The following ESYT1 variants were observed in gnomAD, a reference collection of about 807,000 sequenced individuals.
The protein encoded by ESYT1 is extended synaptotagmin 1, also known as extended synaptotagmin-1.
A neutral mutation model predicts 154.2 loss-of-function variants in ESYT1; 116 were observed. The ratio of observed to expected loss-of-function variants is 0.75; its 90% CI spans 0.65 to 0.88. The LOEUF (loss-of-function observed/expected upper bound fraction) is 0.88, where lower values mean the gene tolerates loss of function less well. Ranked by LOEUF, ESYT1 falls within the 40% of genes least tolerant of loss-of-function variation. The probability of loss-of-function intolerance (pLI) is 0.00; values close to 1 mark genes in which losing one functional copy is unlikely to be tolerated. For synonymous variants in ESYT1, 500 were observed against 539.9 expected (o/e 0.93, Z 1.02); for missense variants, 1,264 against 1,379.3 (o/e 0.92, Z 1.32).
rs566710782 is a variant in ESYT1, at chr12:56,144,445, C to T, written c.*583C>T. On this transcript the variant is annotated 3_prime_UTR_variant, in exon 31 of 31. Transcript: ENST00000394048. ...GGCCAGTCTCTTGTCACTTTGGAAA[C>T]TGAGGACGCGTGGATTCTACTCAAG... is the stretch of plus-strand genomic sequence containing the variant. The T allele has an allele frequency of 2.0e-6, 2 of 987,308 alleles. No homozygotes were observed. The highest frequency in any genetic ancestry group is 1.2e-6 in the Non-Finnish European group (1 of 831,208). 61.2% of individuals were successfully genotyped at this position (987,308 alleles called of 1,614,324 possible).
Position 56,128,530 on chromosome 12 carries a change from G to A in ESYT1, c.211G>A (p.Ala71Thr). 6.2e-7 allele frequency: 1 copy of A among 1,612,998 alleles called. No individual in the cohort carries two copies. Among genetic ancestry groups the A allele is most frequent in the Non-Finnish European group, 8.5e-7 (1 of 1,179,534 alleles). Reference protein sequence around the residue: ...RLLVLIPVYLAGAVGLSVGFV... With the variant: ...RLLVLIPVYLTGAVGLSVGFV... Reference sequence around the variant, plus strand: ...GCTGGTGCTGATACCTGTGTATTTGGCCGGGGCAGTGGGACTCAGCGTGGG... The same window carrying A: ...GCTGGTGCTGATACCTGTGTATTTGACCGGGGCAGTGGGACTCAGCGTGGG... Residue 71 changes from alanine to threonine, a missense_variant, in exon 1 of 31, where the codon GCC (alanine) becomes ACC (threonine). Ala to Thr is a moderately conservative substitution (Grantham distance 58). Transcript: ENST00000394048.
rs778976202 is a variant in ESYT1 at position 56,132,438 on chromosome 12, C to T, written c.1002C>T (p.His334=). The part of the protein sequence containing the change: ...SPLPRGIIRI[H]LLAARGLSSK... ...TCCTCCAGGGCATTATTCGAATTCA[C>T]CTGCTGGCTGCTCGAGGGCTGAGTT... The change falls in exon 9 of 31, where the codon CAC becomes CAT. Residue 334 remains histidine, a synonymous_variant. Transcript: ENST00000394048. 13 of 1,614,062 alleles carry T rather than the reference C, an allele frequency of 8.1e-6. No individual in the cohort carries two copies. The African/African-American group carries it at 9.3e-5, about 12-fold the overall frequency.
At chr12:56,128,793 T>A in intron 1 of ESYT1, 84 bp downstream of exon 1, 1 of 1,540,998 alleles carries the variant, frequency 6.5e-7, no homozygotes, top group South Asian at 1.1e-5. Flanking sequence ...ATGCCTAGAG[T>A]CAGCTCCCTG....
chr12:56,138,446 G>A lies in ESYT1; in HGVS notation c.2380G>A (p.Glu794Lys). The change falls in exon 22 of 31, where the codon GAG (glutamate) becomes AAG (lysine). Residue 794 changes from glutamate to lysine, a missense_variant. Coordinates refer to ENST00000394048, the MANE Select transcript of ESYT1 (RefSeq NM_015292.3). The stretch of plus-strand genomic sequence containing the variant: ...TTTGATCCAGACTCAGAAGAGTGCG[G>A]AGCTGGCTGCGGCCCTGCTATCCAT... ...NSLIQTQKSA[E>K]LAAALLSIYM... 6.2e-7 allele frequency: 1 copy of A among 1,613,346 alleles called. No individual in the cohort carries two copies. Among genetic ancestry groups the A allele is most frequent in the Non-Finnish European group, 8.5e-7 (1 of 1,179,848 alleles).
chr12:56,140,848 T>TGGAGCAGGTGGAGGAGCAA (rs1870660310), intron 24 of ESYT1, among the ~76,000 whole-genome samples: 2 of 152,138 alleles, frequency 1.3e-5, no homozygotes, highest in African/African-American at 4.8e-5. Flanking sequence ...TGCTGTGATA[T>TGGAGCAGGTGGAGGAGCAA]GGAGCAGGTG....
Position 56,144,371 on chromosome 12 carries a change from C to G in ESYT1, c.*509C>G. On this transcript the variant is annotated 3_prime_UTR_variant, in exon 31 of 31. Coordinates refer to ENST00000394048, the MANE Select transcript of ESYT1 (RefSeq NM_015292.3). ...TCAGGCCCCCATGTCCAGTTCTGTC[C>G]CCACTGTCCTCAACCCTGTCCTGAA... 1.0e-6 allele frequency: 1 copy of G among 1,000,504 alleles called. No homozygotes were observed. Among genetic ancestry groups the G allele is most frequent in the Non-Finnish European group, 1.2e-6 (1 of 838,066 alleles). The allele number at this position is 1,000,504 out of a possible 1,614,324, so 62.0% of individuals were successfully genotyped here. A position where few individuals can be genotyped will look rare whatever the true frequency, so the allele number is the denominator to read the frequency against.
intron 1 of ESYT1, among the ~76,000 whole-genome samples, chr12:56,130,091 T>C (rs1003959335): frequency 2.0e-5 from 3 of 152,100 alleles, no homozygotes; most frequent in African/African-American, 7.2e-5. Context: ...TTTTGTATTT[T>C]TAGTAGAGAC....
At chr12:56,136,988 A>G in intron 16 of ESYT1, 95 bp downstream of exon 16, 1 of 1,444,820 alleles carries the variant, frequency 6.9e-7, no homozygotes, top group Non-Finnish European at 9.3e-7. Flanking sequence ...AGATTAAAAG[A>G]GCTAATACAT....
chr12:56,128,904 C>G (rs558773157), intron 1 of ESYT1, 195 bp downstream of exon 1: 3 of 633,368 alleles, frequency 4.7e-6, no homozygotes, highest in African/African-American at 3.7e-5. Context: ...TCCCCACCCA[C>G]CCTTTCGCAT....
Position 56,142,740 on chromosome 12 carries a change from G to C in ESYT1, c.2888+8G>C, listed in dbSNP as rs755869027. ...CCTAACACATGTTGACAGGTAAAGG[G>C]CTGGGACAGGAAGGTGGGACGCAGT... On this transcript the variant is annotated splice_region_variant and intron_variant, in intron 26 of 30. Transcript: ENST00000394048. The surrounding 1 kb of genome is among the most constrained non-coding windows in gnomAD (Gnocchi z 4.1). The C allele has an allele frequency of 2.5e-6, 4 of 1,613,654 alleles. No individual in the cohort carries two copies. The highest frequency in any genetic ancestry group is 3.4e-6 in the Non-Finnish European group (4 of 1,179,962).
intron 24 of ESYT1, among the ~76,000 whole-genome samples, chr12:56,141,433 A>T (rs915445711): frequency 1.1e-4 from 17 of 152,220 alleles, no homozygotes; most frequent in Admixed American, 8.5e-4. Flanking sequence ...TGCTGTAGGT[A>T]TTACTGGTAT....
rs767105543 is a variant in ESYT1 at position 56,133,809 on chromosome 12, C to G, written c.1409C>G (p.Ser470Cys). 1.2e-6 allele frequency: 2 copies of G among 1,614,212 alleles called. No homozygotes were observed. The highest frequency in any genetic ancestry group is 1.7e-6 in the Non-Finnish European group (2 of 1,180,034). Residue 470 changes from serine to cysteine, a missense_variant, in exon 13 of 31, where the codon TCT becomes TGT. Ser to Cys is a moderately radical substitution (Grantham distance 112). Coordinates refer to ENST00000394048, the MANE Select transcript of ESYT1 (RefSeq NM_015292.3). ...QVLQWNWGVSSRPDPPSAAIL... is the reference protein window; with the variant it reads ...QVLQWNWGVSCRPDPPSAAIL... ...CTACAGTGGAATTGGGGAGTCTCCT[C>G]TCGACCAGATCCCCCGTCAGCTGCC...
chr12:56,141,218 G>A (rs1174241266), intron 24 of ESYT1, among the ~76,000 whole-genome samples: 2 of 152,284 alleles, frequency 1.3e-5, no homozygotes, highest in African/African-American at 4.8e-5. Context: ...GTAACTTAAT[G>A]CTAGCAGAGT....
chr12:56,129,359 C>T (rs1396145525), intron 1 of ESYT1: 1 of 156,854 alleles, frequency 6.4e-6, no homozygotes, highest in Non-Finnish European at 1.4e-5. Flanking sequence ...CCCCCGCACT[C>T]CTCGGCCGGC....
Position 56,132,805 on chromosome 12 carries a change from A to C in ESYT1, c.1244+4A>C, listed in dbSNP as rs538530600. On this transcript the variant is annotated splice_donor_region_variant and intron_variant, in intron 10 of 30. Transcript: ENST00000394048. Reference sequence around the variant, plus strand: ...ATAAAGATGACTTTCTGGGCAGGTGAGACTCTGCCTGTTAGGATTCTAAAG... The same window carrying C: ...ATAAAGATGACTTTCTGGGCAGGTGCGACTCTGCCTGTTAGGATTCTAAAG... 2 of 1,612,976 alleles carry C rather than the reference A, an allele frequency of 1.2e-6. No homozygotes were observed. Among genetic ancestry groups the C allele is most frequent in the African/African-American group, 1.3e-5 (1 of 75,014 alleles).
chr12:56,133,541 G>A (rs896308287), intron 11 of ESYT1, 47 bp from the exon 12 acceptor site: 5 of 1,613,606 alleles, frequency 3.1e-6, no homozygotes, highest in Non-Finnish European at 3.4e-6. Flanking sequence ...TGGTAGGGAA[G>A]TAGTTGAGCA....
rs141052619 is a variant in ESYT1, at chr12:56,136,354, C to A, written c.1633-390C>A. Among the ~76,000 whole-genome samples the A allele has an allele frequency of 5.7e-3, 861 of 152,044 alleles. 11 individuals are homozygous for A. Among genetic ancestry groups the A allele is most frequent in the African/African-American group, 0.02 (834 of 41,494 alleles). ...GAGGACTATAAAAGATGGCTCTGGCCGAGGTGGGCGGATTGCCTGAGCTCA... is the reference window on the plus strand; with the variant it reads ...GAGGACTATAAAAGATGGCTCTGGCAGAGGTGGGCGGATTGCCTGAGCTCA... On this transcript the variant is annotated intron_variant, in intron 15 of 30. Transcript: ENST00000394048.
intron 7 of ESYT1, 23 bp downstream of exon 7, chr12:56,131,827 C>A: frequency 6.2e-7 from 1 of 1,610,378 alleles, no homozygotes; most frequent in South Asian, 1.1e-5. Context: ...TACTGAGCAC[C>A]TGCTGAGTGT....
In ESYT1 at chr12:56,143,869, G is replaced by A; in HGVS notation, c.*7G>A. ...GGACAAGGGCAGCTCCTAGGAGCTG[G>A]CGAGTCCCAGCCTGACTGCTCTGTC... On this transcript the variant is annotated 3_prime_UTR_variant, in exon 31 of 31. Transcript: ENST00000394048. The A allele has an allele frequency of 1.2e-6, 2 of 1,613,722 alleles. No individual in the cohort carries two copies. Among genetic ancestry groups the A allele is most frequent in the South Asian group, 2.2e-5 (2 of 91,078 alleles).
Sources: allele counts gnomAD v4.1 joint callset (sites outside exome capture counted in the v4.1 genomes callset), GRCh38; gene constraint gnomAD v4.1.1; non-coding constraint Gnocchi (gnomAD v3.1); transcripts MANE v1.5; gene names NCBI Gene and HGNC (gene_info 2026-07-23, HGNC 2026-07-21).